RELN: variants seen among roughly 807,000 people sequenced by gnomAD.
The protein encoded by RELN is reelin.
RELN carries 108 observed loss-of-function variants against 427.6 expected under a neutral mutation model. The observed-to-expected ratio is 0.25, with a 90% CI of 0.22 to 0.30. The LOEUF is 0.30. RELN is among the 10% of genes least tolerant of loss of function. RELN has a pLI of 1.00. For missense variants in RELN, 3,715 were observed against 4,302.8 expected, an observed-to-expected ratio of 0.86 and a Z score of 3.82; for synonymous variants, 1,524 against 1,513.4, an observed-to-expected ratio of 1.01 and a Z score of -0.16.
At chr7:103,852,818 T>C (rs913034774) in intron 2 of RELN, among the ~76,000 whole-genome samples, 3 of 152,100 alleles carry the variant, frequency 2.0e-5, no homozygotes, top group Non-Finnish European at 4.4e-5. Context: ...TAGCAGATTA[T>C]GTACCATAAG....
rs362772 is a variant in RELN, at chr7:103,548,747, G to C, written c.6302+2320C>G. ...AAATATAGATGTCTGCAAGTCTCTT[G>C]TTCAGATTTCCAAATTATATTGTCT... On this transcript the variant is annotated intron_variant, in intron 41 of 64. Coordinates refer to ENST00000428762, the MANE Select transcript of RELN (RefSeq NM_005045.4). Among the ~76,000 whole-genome samples the C allele has an allele frequency of 8.8e-3, 1,334 of 152,294 alleles. 18 individuals carry two copies. Among genetic ancestry groups the C allele is most frequent in the Middle Eastern group, 0.034 (10 of 294 alleles).
chr7:103,483,979 A>G, intron 61 of RELN, 129 bp from the exon 62 acceptor site: 2 of 921,092 alleles, frequency 2.2e-6, no homozygotes, highest in Non-Finnish European at 1.7e-6. Flanking sequence ...TACTGGGTTC[A>G]AGCGATTTTC....
intron 7 of RELN, among the ~76,000 whole-genome samples, 165 bp downstream of exon 7, chr7:103,727,946 A>T (rs1037697383): frequency 6.6e-6 from 1 of 152,198 alleles, no homozygotes; most frequent in African/African-American, 2.4e-5. Flanking sequence ...ACATCCAAAA[A>T]TAGGCCATAG....
chr7:103,638,616 G>A lies in RELN; in HGVS notation c.2069+1927C>T, dbSNP rs199853747. On this transcript the variant is annotated intron_variant, in intron 17 of 64. Coordinates refer to ENST00000428762, the MANE Select transcript of RELN (RefSeq NM_005045.4). ...CACATTGCTGGAAAAGGAGGTAGTA[G>A]TCAAACTTTTAGCCCAGCCGTAAGC... Among the ~76,000 whole-genome samples the A allele has an allele frequency of 8.5e-5, 13 of 152,252 alleles. No homozygotes were observed. The East Asian group carries it at 1.7e-3, about 20-fold the overall frequency.
chr7:103,892,189 A>C (rs1465896416), intron 2 of RELN, among the ~76,000 whole-genome samples: 1 of 152,174 alleles, frequency 6.6e-6, no homozygotes, highest in East Asian at 1.9e-4. Flanking sequence ...ATCAGTTGGA[A>C]ATTGATGTCC....
In RELN at chr7:103,603,391, G is replaced by T. The variant is rs1562917138; in HGVS notation, c.3246C>A (p.Asp1082Glu). 1 of 1,613,816 alleles carries T rather than the reference G, an allele frequency of 6.2e-7. No individual in the cohort carries two copies. The highest frequency in any genetic ancestry group is 8.5e-7 in the Non-Finnish European group (1 of 1,179,798). ...TTTCTCCCCCAATAACTTCTTGCCA[G>T]TCAGACTCCCAGCCATTCTGGTTCT... ...DFENQNGWES[D>E]WQEVIGGEIV... Residue 1082 changes from aspartate to glutamate, a missense_variant, in exon 24 of 65, where the codon GAC becomes GAA. Asp to Glu is a conservative substitution (Grantham distance 45, BLOSUM62 2). This residue lies in a region of RELN where 2,208 missense variants were observed against 2,361.7 expected (regional missense o/e 0.93). Transcript: ENST00000428762. This position sits in a 1 kb window ranked among gnomAD's most constrained non-coding sequence, Gnocchi z 4.3.
intron 51 of RELN, among the ~76,000 whole-genome samples, chr7:103,507,126 A>T (rs777329134): frequency 0.084 from 12,767 of 152,182 alleles, 684 homozygotes; most frequent in East Asian, 0.16. Flanking sequence ...GATCAACGAG[A>T]CAGAAAATTA....
At chr7:103,670,309 T>C (rs1168251470) in intron 11 of RELN, among the ~76,000 whole-genome samples, 1 of 152,112 alleles carries the variant, frequency 6.6e-6, no homozygotes, top group Non-Finnish European at 1.5e-5. Context: ...GATTATCTAG[T>C]TTTCCTTTTC....
Position 103,601,954 on chromosome 7 carries a change from C to T in RELN, c.3333+1350G>A, listed in dbSNP as rs362679. On this transcript the variant is annotated intron_variant, in intron 24 of 64. Coordinates refer to ENST00000428762, the MANE Select transcript of RELN (RefSeq NM_005045.4). The stretch of plus-strand genomic sequence containing the variant: ...AAAACTTTCATACAGAGTCCCACAT[C>T]AGCAGATGCCACCAGCAGCCACCAA... Among the ~76,000 whole-genome samples the T allele has an allele frequency of 1.0e-2, 1,517 of 152,202 alleles. 20 individuals carry two copies. The highest frequency in any genetic ancestry group is 0.034 in the African/African-American group (1,431 of 41,516).
chr7:103,736,432 A>G (rs1272906459), intron 6 of RELN, among the ~76,000 whole-genome samples: 1 of 152,184 alleles, frequency 6.6e-6, no homozygotes, highest in Non-Finnish European at 1.5e-5. Context: ...ACCTTCAACT[A>G]TGTCATGTCT....
At chr7:103,630,847 T>A (rs1353634095) in intron 19 of RELN, among the ~76,000 whole-genome samples, 1 of 71,310 alleles carries the variant, frequency 1.4e-5, no homozygotes, top group African/African-American at 8.7e-5. Context: ...TGAGTTATTT[T>A]TTTGTTTTTT....
chr7:103,756,627 T>C (rs949687241), intron 4 of RELN, among the ~76,000 whole-genome samples: 8 of 152,160 alleles, frequency 5.3e-5, no homozygotes, highest in African/African-American at 1.9e-4. Flanking sequence ...AATGCCAGAA[T>C]AGACACATAA....
intron 53 of RELN, among the ~76,000 whole-genome samples, chr7:103,499,015 C>T (rs981540147): frequency 3.3e-5 from 5 of 152,194 alleles, no homozygotes; most frequent in African/African-American, 1.2e-4. Flanking sequence ...TGTGTGCCCT[C>T]ACTTTGGAGA....
intron 3 of RELN, among the ~76,000 whole-genome samples, chr7:103,827,045 C>G (rs1584272860): frequency 7.3e-6 from 1 of 137,824 alleles, no homozygotes; most frequent in South Asian, 2.3e-4. Context: ...ATAAAACTAA[C>G]ATTTTTCTCT....
chr7:103,531,491 T>C (rs1185781241), intron 46 of RELN, among the ~76,000 whole-genome samples: 2 of 152,288 alleles, frequency 1.3e-5, no homozygotes, highest in African/African-American at 4.8e-5. Flanking sequence ...CAGTGTTCCC[T>C]TCCTAGTTAG....
chr7:103,982,160 C>A (rs1011427514), intron 1 of RELN, among the ~76,000 whole-genome samples: 2 of 151,934 alleles, frequency 1.3e-5, no homozygotes, highest in African/African-American at 4.8e-5. Context: ...TGAGACTCTG[C>A]CTCAATAATA....
chr7:103,915,188 C>A (rs1378443453), intron 2 of RELN, among the ~76,000 whole-genome samples: 2 of 152,112 alleles, frequency 1.3e-5, no homozygotes, highest in Non-Finnish European at 2.9e-5. Flanking sequence ...GTATGCTGTG[C>A]CCCACCATCC....
At chr7:103,904,656 T>C (rs1474268522) in intron 2 of RELN, among the ~76,000 whole-genome samples, 1 of 152,182 alleles carries the variant, frequency 6.6e-6, no homozygotes, top group East Asian at 1.9e-4. Flanking sequence ...TGTGTTTTTG[T>C]TTGCCTAAAG....
In RELN at chr7:103,739,213, G is replaced by A. The variant is rs1007862385; in HGVS notation, c.656+10213C>T. 8.6e-4 allele frequency among the ~76,000 whole-genome samples: 131 copies of A among 152,202 alleles called. 1 individual carries two copies. Among genetic ancestry groups the A allele is most frequent in the African/African-American group, 3.1e-3 (127 of 41,522 alleles). ...ATTTCCCCATTCACATAAAATACTG[G>A]CACTGTTTATATTATAGTGCAATAA... On this transcript the variant is annotated intron_variant, in intron 6 of 64. Transcript: ENST00000428762.
Sources: gnomAD v4.1 joint callset for allele counts (sites outside exome capture counted in the v4.1 genomes callset) on GRCh38, gnomAD v4.1.1 for gene constraint, gnomAD v4.1.1 regional missense constraint, Gnocchi (gnomAD v3.1) non-coding constraint, MANE v1.5 for transcripts, NCBI Gene and HGNC (gene_info 2026-07-23, HGNC 2026-07-21) for gene names.